The following SH3RF3 variants were observed in gnomAD, a reference collection of about 807,000 sequenced individuals.
SH3RF3 encodes E3 ubiquitin-protein ligase SH3RF3.
Under a neutral mutation model 66.3 loss-of-function variants are expected in SH3RF3, and 29 were observed. That is an observed-to-expected ratio of 0.44 (90% CI 0.33 to 0.60). SH3RF3 has a LOEUF of 0.60. SH3RF3 is among the 20% of genes least tolerant of loss of function. The pLI, the probability that SH3RF3 is intolerant of heterozygous loss-of-function variation, is 0.04. For synonymous variants in SH3RF3, 583 were observed against 532.0 expected (o/e 1.10, Z -1.32); for missense variants, 1,194 against 1,190.9 (o/e 1.00, Z -0.04).
chr2:109,225,742 T>C (rs1324027060), intron 1 of SH3RF3, among the ~76,000 whole-genome samples: 2 of 152,244 alleles, frequency 1.3e-5, no homozygotes, highest in Non-Finnish European at 2.9e-5. Context: ...GATTTATTTT[T>C]ATAAGTTAGT....
chr2:109,471,539 T>A (rs1325796123), intron 8 of SH3RF3, among the ~76,000 whole-genome samples: 1 of 152,186 alleles, frequency 6.6e-6, no homozygotes, highest in African/African-American at 2.4e-5. Context: ...AGATGAGATT[T>A]GAGTGGGGAC....
Position 109,129,721 on chromosome 2 carries a change from C to T in SH3RF3, c.181C>T (p.Leu61=), listed in dbSNP as rs1230749999. Residue 61 remains leucine, a synonymous_variant, in exon 1 of 10, where the codon CTG becomes TTG. Coordinates refer to ENST00000309415, the MANE Select transcript of SH3RF3 (RefSeq NM_001099289.3). ...GGACCTGCTGGAGTGCTCCGTGTGT[C>T]TGGAGCGCCTGGACACCACGGCCAA... is the stretch of plus-strand genomic sequence containing the variant. ...LLDLLECSVC[L]ERLDTTAKVL... 9.8e-6 allele frequency: 15 copies of T among 1,538,024 alleles called. No homozygotes were observed. The highest frequency in any genetic ancestry group is 1.3e-5 in the Non-Finnish European group (15 of 1,145,190).
In SH3RF3 at chr2:109,398,844, C is replaced by A; in HGVS notation, c.1200C>A (p.Ser400=). ...CCCAGGCTGCCAGCCACAGGCATTCCATGGAAATTAGTGCTCCAGTGTTGA... is the reference window on the plus strand; with the variant it reads ...CCCAGGCTGCCAGCCACAGGCATTCAATGGAAATTAGTGCTCCAGTGTTGA... ...RSSQAASHRH[S]MEISAPVLIS... Residue 400 remains serine, a synonymous_variant, in exon 4 of 10, where the codon TCC becomes TCA. Coordinates refer to ENST00000309415, the MANE Select transcript of SH3RF3 (RefSeq NM_001099289.3). 6.2e-7 allele frequency: 1 copy of A among 1,613,950 alleles called. No individual in the cohort carries two copies. Among genetic ancestry groups the A allele is most frequent in the Non-Finnish European group, 8.5e-7 (1 of 1,179,888 alleles).
intron 1 of SH3RF3, among the ~76,000 whole-genome samples, chr2:109,282,516 G>T (rs1034720895): frequency 2.0e-5 from 3 of 152,126 alleles, no homozygotes; most frequent in African/African-American, 7.2e-5. Context: ...CCTGCGGTGG[G>T]AGGACAGGGG....
chr2:109,217,363 G>A (rs17035174), intron 1 of SH3RF3, among the ~76,000 whole-genome samples: 5,184 of 152,282 alleles, frequency 0.034, 266 homozygotes, highest in African/African-American at 0.11. Context: ...ACCATATCGT[G>A]AATGAGGCTA....
chr2:109,158,652 C>T (rs927065659), intron 1 of SH3RF3, among the ~76,000 whole-genome samples: 3 of 152,194 alleles, frequency 2.0e-5, no homozygotes, highest in African/African-American at 7.2e-5. Flanking sequence ...GTCGTGAGAG[C>T]ATCCCTATTT....
chr2:109,142,198 T>C (rs558987054), intron 1 of SH3RF3, among the ~76,000 whole-genome samples: 1 of 152,300 alleles, frequency 6.6e-6, no homozygotes, highest in Admixed American at 6.5e-5. Flanking sequence ...GGGCGGACTC[T>C]TGCGCCTTTG....
intron 1 of SH3RF3, among the ~76,000 whole-genome samples, chr2:109,186,012 G>A (rs1018505416): frequency 1.3e-5 from 2 of 152,226 alleles, no homozygotes; most frequent in Admixed American, 6.5e-5. Context: ...TCTCTGGGCC[G>A]TTTTTATTCC....
intron 1 of SH3RF3, among the ~76,000 whole-genome samples, chr2:109,301,775 T>C (rs544641608): frequency 1.2e-4 from 19 of 152,344 alleles, no homozygotes; most frequent in Admixed American, 3.3e-4. Flanking sequence ...CCCATCCTTT[T>C]TGGGTGGGTT....
At chr2:109,183,356 A>T (rs1678112471) in intron 1 of SH3RF3, among the ~76,000 whole-genome samples, 1 of 152,218 alleles carries the variant, frequency 6.6e-6, no homozygotes, top group Non-Finnish European at 1.5e-5. Context: ...GAGTCTACAC[A>T]GGGAACCAAA....
At chr2:109,400,430 G>A (rs1676276145) in intron 4 of SH3RF3, among the ~76,000 whole-genome samples, 1 of 151,670 alleles carries the variant, frequency 6.6e-6, no homozygotes, top group African/African-American at 2.4e-5. Flanking sequence ...GCACATATGT[G>A]CACTTATATG....
chr2:109,345,693 TA>T (rs1250426881), intron 1 of SH3RF3, among the ~76,000 whole-genome samples: 2 of 152,332 alleles, frequency 1.3e-5, no homozygotes, highest in East Asian at 3.9e-4. Flanking sequence ...CTCATGAAAA[TA>T]AATGTTATAT....
intron 8 of SH3RF3, among the ~76,000 whole-genome samples, chr2:109,480,168 T>C (rs986033258): frequency 6.6e-6 from 1 of 152,190 alleles, no homozygotes; most frequent in Non-Finnish European, 1.5e-5. Flanking sequence ...GACATCTGCT[T>C]TCAGAAAAGA....
intron 5 of SH3RF3, among the ~76,000 whole-genome samples, chr2:109,427,960 C>T (rs1677080663): frequency 6.6e-6 from 1 of 152,258 alleles, no homozygotes; most frequent in African/African-American, 2.4e-5. Context: ...CTCGCCCTGC[C>T]TGCAGCTCCT....
chr2:109,476,003 T>C (rs1221260347), intron 8 of SH3RF3, among the ~76,000 whole-genome samples: 1 of 152,264 alleles, frequency 6.6e-6, no homozygotes, highest in Non-Finnish European at 1.5e-5. Context: ...CAGCTGAAAC[T>C]GTGCCTGCTG....
At chr2:109,264,410 C>A (rs1680438994) in intron 1 of SH3RF3, among the ~76,000 whole-genome samples, 3 of 152,198 alleles carry the variant, frequency 2.0e-5, no homozygotes, top group Admixed American at 2.0e-4. Flanking sequence ...GTGGGTGCCC[C>A]CCATCCACCT....
chr2:109,166,341 G>T (rs1409023256), intron 1 of SH3RF3, among the ~76,000 whole-genome samples: 1 of 152,062 alleles, frequency 6.6e-6, no homozygotes, highest in Non-Finnish European at 1.5e-5. Flanking sequence ...GCCGAGTGTG[G>T]TGGTGTGTGC....
chr2:109,228,124 G>A (rs1679414543), intron 1 of SH3RF3, among the ~76,000 whole-genome samples: 1 of 152,174 alleles, frequency 6.6e-6, no homozygotes, highest in Non-Finnish European at 1.5e-5. Flanking sequence ...TCTAATGGCT[G>A]TGTTTTCATG....
intron 5 of SH3RF3, among the ~76,000 whole-genome samples, chr2:109,430,586 C>G (rs930605385): frequency 6.6e-6 from 1 of 152,176 alleles, no homozygotes; most frequent in Non-Finnish European, 1.5e-5. Context: ...CTCCTCTCCT[C>G]CCCTCCAGCT....
Sources: gnomAD v4.1 joint callset for allele counts (sites outside exome capture counted in the v4.1 genomes callset) on GRCh38, gnomAD v4.1.1 for gene constraint, MANE v1.5 for transcripts, NCBI Gene and HGNC (gene_info 2026-07-23, HGNC 2026-07-21) for gene names.